The following MALRD1 variants were observed in gnomAD, a reference collection of about 807,000 sequenced individuals.
MALRD1 encodes the protein MAM and LDL receptor class A domain containing 1.
In MALRD1, 247 loss-of-function variants were observed where a neutral mutation model predicts 242.1. The ratio of observed to expected loss-of-function variants is 1.02; its 90% CI spans 0.92 to 1.13. The LOEUF (loss-of-function observed/expected upper bound fraction) is 1.13, where lower values mean the gene tolerates loss of function less well. Ranked by LOEUF, MALRD1 falls within the 50% of genes most tolerant of loss-of-function variation. The pLI is 0.00. For missense variants in MALRD1, 2,989 were observed against 2,533.1 expected, an observed-to-expected ratio of 1.18 and a Z score of -3.86; for synonymous variants, 995 against 866.6, an observed-to-expected ratio of 1.15 and a Z score of -2.60.
At chr10:19,198,593 G>A (rs1365969321) in intron 14 of MALRD1, among the ~76,000 whole-genome samples, 7 of 152,034 alleles carry the variant, frequency 4.6e-5, no homozygotes, top group South Asian at 2.1e-4. Context: ...GGAACAAAGG[G>A]GCAGTTAACG....
chr10:19,059,804 T>C (rs1444473036), intron 1 of MALRD1, among the ~76,000 whole-genome samples: 2 of 152,206 alleles, frequency 1.3e-5, no homozygotes, highest in African/African-American at 2.4e-5. Flanking sequence ...CAAGATAATA[T>C]TAGGCATATA....
In MALRD1 at chr10:19,417,569, A is replaced by G. The variant is rs568444551; in HGVS notation, c.4845+27960A>G. Among the ~76,000 whole-genome samples the G allele has an allele frequency of 2.0e-5, 3 of 152,308 alleles. No individual in the cohort carries two copies. The East Asian group carries it at 5.8e-4, about 29-fold the overall frequency. ...TTTGTTGCACAGCTTTAGGCAGTGA[A>G]ACAAATTTACTCTTAAGTAAAGTTT... is the stretch of plus-strand genomic sequence containing the variant. On this transcript the variant is annotated intron_variant, in intron 28 of 39. Coordinates refer to ENST00000454679, the MANE Select transcript of MALRD1 (RefSeq NM_001142308.3).
At chr10:19,099,763 A>ATATAT (rs1554788439) in intron 4 of MALRD1, among the ~76,000 whole-genome samples, 36 of 149,238 alleles carry the variant, frequency 2.4e-4, no homozygotes, top group East Asian at 1.2e-3. Flanking sequence ...ATATATATAT[A>ATATAT]TTTTTTTTAA....
intron 33 of MALRD1, among the ~76,000 whole-genome samples, chr10:19,591,604 T>A (rs1837790474): frequency 6.6e-6 from 1 of 150,906 alleles, no homozygotes; most frequent in African/African-American, 2.4e-5. Context: ...GTTCAAGCGA[T>A]AATCTTGCCT....
At chr10:19,709,264 A>G (rs911555063) in intron 38 of MALRD1, among the ~76,000 whole-genome samples, 1 of 147,906 alleles carries the variant, frequency 6.8e-6, no homozygotes, top group Admixed American at 6.7e-5. Flanking sequence ...AAAAAAAAAA[A>G]AAAATACAAA....
chr10:19,130,596 G>A (rs998392495), intron 8 of MALRD1, among the ~76,000 whole-genome samples: 1 of 152,024 alleles, frequency 6.6e-6, no homozygotes, highest in Non-Finnish European at 1.5e-5. Flanking sequence ...ATTTTAATCT[G>A]CTCTGAAAAT....
chr10:19,491,589 A>G lies in MALRD1; in HGVS notation c.5102A>G (p.His1701Arg), dbSNP rs1837497477. ...CGGGACAAGAAGTGCATTGCATCCC[A>G]CCTTCTTTGTGACTATAAGCCAGAC... Reference protein sequence around the residue: ...LCRDKKCIASHLLCDYKPDCS... With the variant: ...LCRDKKCIASRLLCDYKPDCS... Residue 1701 changes from histidine to arginine, a missense_variant, in exon 30 of 40, where the codon CAC (histidine) becomes CGC (arginine). By Grantham distance (29) the His-to-Arg change is conservative (BLOSUM62 0). Transcript: ENST00000454679. 1 of 1,550,052 alleles carries G rather than the reference A, an allele frequency of 6.5e-7. No homozygotes were observed. Among genetic ancestry groups the G allele is most frequent in the Non-Finnish European group, 8.7e-7 (1 of 1,146,840 alleles).
Position 19,698,465 on chromosome 10 carries a change from C to G in MALRD1, c.6314+5911C>G, listed in dbSNP as rs566265321. On this transcript the variant is annotated intron_variant, in intron 38 of 39. Transcript: ENST00000454679. ...ACCATCTCTGTTGAACCATCTCTTT[C>G]CTCTTCCCAGTCTATACTAGGAGGC... 2.6e-5 allele frequency among the ~76,000 whole-genome samples: 4 copies of G among 152,298 alleles called. No individual in the cohort carries two copies. The East Asian group carries it at 7.7e-4, about 29-fold the overall frequency.
chr10:19,155,933 T>C (rs554995685), intron 12 of MALRD1, among the ~76,000 whole-genome samples: 65 of 152,278 alleles, frequency 4.3e-4, no homozygotes, highest in African/African-American at 1.5e-3. Flanking sequence ...GTAAACATAA[T>C]TCCTTTGCTT....
intron 24 of MALRD1, among the ~76,000 whole-genome samples, chr10:19,341,213 C>T (rs183145294): frequency 6.6e-6 from 1 of 151,886 alleles, no homozygotes; most frequent in Admixed American, 6.6e-5. Context: ...AGTTCATATG[C>T]ATGTATTTGC....
At chr10:19,394,245 G>A (rs754991469) in intron 28 of MALRD1, among the ~76,000 whole-genome samples, 3 of 152,132 alleles carry the variant, frequency 2.0e-5, no homozygotes, top group Admixed American at 6.5e-5. Context: ...AGTTGGTGGG[G>A]TCTTACTCTC....
intron 14 of MALRD1, among the ~76,000 whole-genome samples, chr10:19,200,974 AG>A (rs2131607700): frequency 6.6e-6 from 1 of 152,230 alleles, no homozygotes; most frequent in Non-Finnish European, 1.5e-5. Flanking sequence ...CCTAGCACAA[AG>A]CTTGCTATAC....
chr10:19,351,487 T>G lies in MALRD1; in HGVS notation c.4150-519T>G, dbSNP rs150249844. ...GATAATTACTGTTCTGGGGTTTTGT[T>G]GTATTTAAATGGAGCCCAGAGAATC... On this transcript the variant is annotated intron_variant, in intron 25 of 39. Transcript: ENST00000454679. 5.6e-4 allele frequency among the ~76,000 whole-genome samples: 86 copies of G among 152,316 alleles called. 1 individual carries two copies. The East Asian group carries it at 0.016, about 28-fold the overall frequency.
intron 38 of MALRD1, among the ~76,000 whole-genome samples, chr10:19,701,759 T>G (rs1833642295): frequency 8.9e-6 from 1 of 112,750 alleles, no homozygotes; most frequent in Non-Finnish European, 1.7e-5. Flanking sequence ...TTCCTCTCCC[T>G]TCCCCTTCTC....
chr10:19,695,064 G>T (rs1005241212), intron 38 of MALRD1, among the ~76,000 whole-genome samples: 4 of 152,210 alleles, frequency 2.6e-5, no homozygotes, highest in Non-Finnish European at 5.9e-5. Flanking sequence ...ACACACCGGG[G>T]CCTGTCATGG....
intron 36 of MALRD1, among the ~76,000 whole-genome samples, chr10:19,646,273 T>C (rs2131692684): frequency 6.6e-6 from 1 of 152,330 alleles, no homozygotes; most frequent in East Asian, 1.9e-4. Flanking sequence ...CATTTCCAGC[T>C]TTTGGTTAAC....
intron 21 of MALRD1, among the ~76,000 whole-genome samples, chr10:19,321,336 A>G (rs551498065): frequency 6.6e-6 from 1 of 152,290 alleles, no homozygotes; most frequent in South Asian, 2.1e-4. Context: ...TAATTCACAC[A>G]TGCAGTGTTG....
At chr10:19,365,754 C>T (rs939871376) in intron 26 of MALRD1, among the ~76,000 whole-genome samples, 1 of 148,378 alleles carries the variant, frequency 6.7e-6, no homozygotes, top group African/African-American at 2.5e-5. Flanking sequence ...TTACTTGGAT[C>T]TTCTCACCTT....
At chr10:19,210,616 A>G (rs1485019014) in intron 18 of MALRD1, among the ~76,000 whole-genome samples, 1 of 152,192 alleles carries the variant, frequency 6.6e-6, no homozygotes, top group Non-Finnish European at 1.5e-5. Context: ...TAGTTACCCA[A>G]ATTTAAAGCA....
Sources: gnomAD v4.1 joint callset for allele counts (sites outside exome capture counted in the v4.1 genomes callset) on GRCh38, gnomAD v4.1.1 for gene constraint, MANE v1.5 for transcripts, NCBI Gene and HGNC (gene_info 2026-07-23, HGNC 2026-07-21) for gene names.